Variants in IGFL4 observed in about 807,000 individuals in gnomAD.
The protein encoded by IGFL4 is insulin growth factor-like family member 4.
A neutral mutation model predicts 15.4 loss-of-function variants in IGFL4; 12 were observed. The ratio of observed to expected loss-of-function variants is 0.78; its 90% CI spans 0.50 to 1.26. IGFL4 has a LOEUF of 1.26. IGFL4 is among the 50% of genes most tolerant of loss of function. IGFL4 has a pLI of 0.00. For missense variants in IGFL4, 126 were observed against 147.8 expected (o/e 0.85, Z 0.76); for synonymous variants, 54 against 55.9 (o/e 0.97, Z 0.16).
chr19:46,061,575 A>G (rs1969445526), intron 1 of IGFL4, among the ~76,000 whole-genome samples: 3 of 152,254 alleles, frequency 2.0e-5, no homozygotes, highest in Non-Finnish European at 4.4e-5. Context: ...AAGCAGGCAC[A>G]GCTGGAAGGC....
intron 2 of IGFL4, among the ~76,000 whole-genome samples, chr19:46,057,435 G>C (rs16959242): frequency 6.6e-6 from 1 of 151,894 alleles, no homozygotes; most frequent in Non-Finnish European, 1.5e-5. Flanking sequence ...CAATGGATAC[G>C]ATTTTAGTTC....
At chr19:46,064,071 G>GAA (rs36026852) in intron 1 of IGFL4, among the ~76,000 whole-genome samples, 5,610 of 139,998 alleles carry the variant, frequency 0.04, 184 homozygotes, top group African/African-American at 0.076. Context: ...GACTCCACCT[G>GAA]AAAAAAAAAA....
At chr19:46,042,477 A>G (rs532340685), upstream of IGFL4, among the ~76,000 whole-genome samples, 2 of 152,318 alleles carry the variant, frequency 1.3e-5, no homozygotes, top group Non-Finnish European at 2.9e-5. Flanking sequence ...GAAGAGTACA[A>G]GTGACTAAGG....
At chr19:46,059,969 T>C (rs894998008) in intron 2 of IGFL4, 1 of 152,162 alleles carries the variant, frequency 6.6e-6, no homozygotes, top group African/African-American at 2.4e-5. Context: ...GGGAACCCTG[T>C]ACAGGGACTG....
At chr19:46,052,495 T>G (rs1309202671) in intron 2 of IGFL4, among the ~76,000 whole-genome samples, 1 of 151,992 alleles carries the variant, frequency 6.6e-6, no homozygotes, top group Non-Finnish European at 1.5e-5. Context: ...AAAAGCAGTG[T>G]AGCATTAAAT....
intron 2 of IGFL4, among the ~76,000 whole-genome samples, chr19:46,050,795 G>A (rs1413227751): frequency 6.6e-6 from 1 of 152,098 alleles, no homozygotes; most frequent in Non-Finnish European, 1.5e-5. Context: ...AGATTTAGAC[G>A]TTCAAATACA....
At chr19:46,063,384 C>G (rs1445802860) in intron 1 of IGFL4, among the ~76,000 whole-genome samples, 1 of 151,392 alleles carries the variant, frequency 6.6e-6, no homozygotes, top group African/African-American at 2.4e-5. Context: ...ATCCCTCTGT[C>G]CTCTTTTATG....
intron 1 of IGFL4, among the ~76,000 whole-genome samples, chr19:46,075,867 T>TC (rs1350943384): frequency 6.6e-6 from 1 of 152,232 alleles, no homozygotes; most frequent in Non-Finnish European, 1.5e-5. Flanking sequence ...ACTTATTTAT[T>TC]CAATCATTTA....
intron 1 of IGFL4, among the ~76,000 whole-genome samples, chr19:46,075,821 G>A (rs1214281963): frequency 1.3e-5 from 2 of 151,898 alleles, no homozygotes; most frequent in South Asian, 2.1e-4. Context: ...ATATTACTTC[G>A]AATTCTTCTG....
intron 1 of IGFL4, among the ~76,000 whole-genome samples, chr19:46,067,201 C>G (rs1325988128): frequency 5.3e-5 from 8 of 152,200 alleles, no homozygotes; most frequent in Non-Finnish European, 1.2e-4. Flanking sequence ...TGATCCCAAT[C>G]TCAATTCCAA....
chr19:46,076,569 T>A (rs1969598252), intron 1 of IGFL4, among the ~76,000 whole-genome samples: 1 of 151,864 alleles, frequency 6.6e-6, no homozygotes, highest in Non-Finnish European at 1.5e-5. Flanking sequence ...ATTTATTCCG[T>A]GGTTCTAGTT....
chr19:46,067,818 T>G (rs915515841), intron 1 of IGFL4, among the ~76,000 whole-genome samples: 1 of 152,146 alleles, frequency 6.6e-6, no homozygotes, highest in Non-Finnish European at 1.5e-5. Context: ...CCCCCAGGTG[T>G]GGAAACCAGA....
In IGFL4 at chr19:46,040,575, A is replaced by G. The variant is rs369490283; in HGVS notation, c.20-7T>C. 2 of 1,613,844 alleles carry G rather than the reference A, an allele frequency of 1.2e-6. No individual in the cohort carries two copies. The highest frequency in any genetic ancestry group is 1.7e-6 in the Non-Finnish European group (2 of 1,180,036). ...TCAAAAATGAAGATGGCAGCTGAGA[A>G]GCAGAAGGAGAGCGAGAATGATTCT... On this transcript the variant is annotated splice_region_variant and splice_polypyrimidine_tract_variant and intron_variant, in intron 1 of 3. Coordinates refer to ENST00000377697, the MANE Select transcript of IGFL4 (RefSeq NM_001002923.3). This position sits in a 1 kb window ranked among gnomAD's most constrained non-coding sequence, Gnocchi z 4.1.
chr19:46,057,904 C>T (rs1328007320), intron 2 of IGFL4: 1 of 152,134 alleles, frequency 6.6e-6, no homozygotes, highest in African/African-American at 2.4e-5. Flanking sequence ...AATTACCTCC[C>T]ACTGCATCCC....
At chr19:46,074,912 A>G (rs1475873018) in intron 1 of IGFL4, among the ~76,000 whole-genome samples, 2 of 152,226 alleles carry the variant, frequency 1.3e-5, no homozygotes, top group Non-Finnish European at 2.9e-5. Flanking sequence ...GATGAAAATC[A>G]TGTCCCTGAC....
intron 2 of IGFL4, among the ~76,000 whole-genome samples, chr19:46,055,920 G>A (rs1486154575): frequency 6.6e-6 from 1 of 152,072 alleles, no homozygotes; most frequent in African/African-American, 2.4e-5. Context: ...AGGATTACAG[G>A]TGCCCACCAC....
At chr19:46,066,497 A>G (rs1969496016) in intron 1 of IGFL4, among the ~76,000 whole-genome samples, 1 of 152,194 alleles carries the variant, frequency 6.6e-6, no homozygotes, top group Non-Finnish European at 1.5e-5. Context: ...GCATTGCTAT[A>G]AGGAAATACC....
chr19:46,059,167 A>G (rs971425393), intron 2 of IGFL4: 1 of 152,254 alleles, frequency 6.6e-6, no homozygotes, highest in African/African-American at 2.4e-5. Context: ...CTGACCTCCT[A>G]TCTCATCCGG....
At chr19:46,062,463 T>C (rs913014782) in intron 1 of IGFL4, among the ~76,000 whole-genome samples, 3 of 152,222 alleles carry the variant, frequency 2.0e-5, no homozygotes, top group Non-Finnish European at 4.4e-5. Flanking sequence ...AATTTTGAGC[T>C]TGCACAGGCT....
Sources: allele counts gnomAD v4.1 joint callset (sites outside exome capture counted in the v4.1 genomes callset), GRCh38; gene constraint gnomAD v4.1.1; non-coding constraint Gnocchi (gnomAD v3.1); transcripts MANE v1.5; gene names NCBI Gene and HGNC (gene_info 2026-07-23, HGNC 2026-07-21).